The following DNAAF6 variants were observed in gnomAD, a reference collection of about 807,000 sequenced individuals.
The protein encoded by DNAAF6 is PIH1 domain containing 3.
DNAAF6 carries 3 observed loss-of-function variants against 13.7 expected under a neutral mutation model. That is an observed-to-expected ratio of 0.22 (90% CI 0.10 to 0.56). The LOEUF (loss-of-function observed/expected upper bound fraction) is 0.56. Ranked by LOEUF, DNAAF6 falls within the 20% of genes least tolerant of loss-of-function variation. The probability of loss-of-function intolerance (pLI) is 0.92; values close to 1 mark genes in which losing one functional copy is unlikely to be tolerated. For synonymous variants in DNAAF6, 54 were observed against 49.2 expected, an observed-to-expected ratio of 1.10 and a Z score of -0.41; for missense variants, 130 against 151.0, an observed-to-expected ratio of 0.86 and a Z score of 0.73.
intron 5 of DNAAF6, among the ~76,000 whole-genome samples, chrX:107,228,708 TG>T (rs1416653120): frequency 9.0e-6 from 1 of 111,301 alleles, no homozygotes; most frequent in Non-Finnish European, 1.9e-5. Context: ...CTCAACCTCC[TG>T]GGCTCAAGCG....
chrX:107,207,715 T>A (rs1254782596), intron 1 of DNAAF6, among the ~76,000 whole-genome samples: 1 of 111,722 alleles, frequency 9.0e-6, no homozygotes, highest in Admixed American at 9.4e-5. Context: ...GCAGATCACT[T>A]GAGGTCAGGA....
chrX:107,223,412 C>G (rs936022530), intron 5 of DNAAF6, among the ~76,000 whole-genome samples: 10 of 111,604 alleles, frequency 9.0e-5, no homozygotes, highest in African/African-American at 3.2e-4. Flanking sequence ...GGAGAGCATC[C>G]TTTACCAGGT....
intron 2 of DNAAF6, among the ~76,000 whole-genome samples, chrX:107,214,201 G>A (rs1442403917): frequency 8.9e-6 from 1 of 112,048 alleles, no homozygotes; most frequent in African/African-American, 3.2e-5. Flanking sequence ...GACAGCATTA[G>A]CTATACACAA....
Position 107,211,853 on chromosome X carries a change from C to T in DNAAF6, c.-3-1020C>T, listed in dbSNP as rs1927864526. ...CAAACCAAATGATACCATAATGATA[C>T]CATAATGATACCTATTTTCTTGGTG... On this transcript the variant is annotated intron_variant, in intron 1 of 6. Transcript: ENST00000372453. 2.7e-5 allele frequency among the ~76,000 whole-genome samples: 3 copies of T among 111,103 alleles called. No individual in the cohort carries two copies. The Admixed American group carries it at 2.9e-4, about 11-fold the overall frequency.
At chrX:107,222,976 T>C (rs1928180842) in intron 5 of DNAAF6, 135 bp downstream of exon 5, 2 of 805,265 alleles carry the variant, frequency 2.5e-6, no homozygotes, top group Non-Finnish European at 3.3e-6. Context: ...CGTACTAGGG[T>C]AACAATGGGA....
intron 5 of DNAAF6, among the ~76,000 whole-genome samples, chrX:107,234,460 A>C (rs979558293): frequency 8.9e-6 from 1 of 112,234 alleles, no homozygotes; most frequent in African/African-American, 3.2e-5. Flanking sequence ...ATGGGAAATT[A>C]AACAGTTGAA....
intron 5 of DNAAF6, among the ~76,000 whole-genome samples, chrX:107,232,889 C>T (rs1046955011): frequency 9.1e-5 from 10 of 110,106 alleles, no homozygotes; most frequent in Admixed American, 2.9e-4. Context: ...AGTACAGGCG[C>T]GCACCACCAT....
At chrX:107,235,731 C>T (rs1419550090) in intron 5 of DNAAF6, among the ~76,000 whole-genome samples, 2 of 110,867 alleles carry the variant, frequency 1.8e-5, no homozygotes, top group Non-Finnish European at 3.8e-5. Context: ...ATTCCTCATA[C>T]ACGAAAACAT....
intron 6 of DNAAF6, among the ~76,000 whole-genome samples, chrX:107,239,606 A>G (rs1472898860): frequency 9.0e-6 from 1 of 111,119 alleles, no homozygotes; most frequent in African/African-American, 3.3e-5. Context: ...TCCTTCCATT[A>G]TCAGTACCTA....
At chrX:107,219,214 A>C (rs1845655400) in intron 4 of DNAAF6, among the ~76,000 whole-genome samples, 1 of 112,206 alleles carries the variant, frequency 8.9e-6, no homozygotes, top group South Asian at 3.6e-4. Context: ...TTTCCATTAT[A>C]AATTTATATT....
chrX:107,209,810 A>C (rs942636684), intron 1 of DNAAF6, among the ~76,000 whole-genome samples: 1 of 112,165 alleles, frequency 8.9e-6, no homozygotes, highest in Non-Finnish European at 1.9e-5. Context: ...ATCTATTTGA[A>C]TAGTCTGTAA....
At chrX:107,207,698 G>C (rs951617018) in intron 1 of DNAAF6, among the ~76,000 whole-genome samples, 21 of 111,981 alleles carry the variant, frequency 1.9e-4, no homozygotes, top group African/African-American at 6.8e-4. Flanking sequence ...TTGGGAGGCC[G>C]AGGCGGGCAG....
intron 5 of DNAAF6, among the ~76,000 whole-genome samples, chrX:107,232,070 C>T (rs1202080210): frequency 9.0e-6 from 1 of 111,449 alleles, no homozygotes; most frequent in African/African-American, 3.3e-5. Context: ...ATTGGTCAGG[C>T]TGGTCTCAAA....
chrX:107,208,139 C>T (rs887178206), intron 1 of DNAAF6, among the ~76,000 whole-genome samples: 1 of 111,263 alleles, frequency 9.0e-6, no homozygotes, highest in East Asian at 2.9e-4. Flanking sequence ...ATTTTTCTGT[C>T]AACTCAGCAC....
intron 2 of DNAAF6, 138 bp downstream of exon 2, chrX:107,213,166 A>G (rs1439525359): frequency 7.5e-6 from 4 of 533,148 alleles, no homozygotes; most frequent in African/African-American, 2.4e-5. Flanking sequence ...AAGGCTGATT[A>G]TGCATGACAA....
chrX:107,222,697 G>A, intron 4 of DNAAF6, 48 bp from the exon 5 acceptor site: 3 of 1,161,411 alleles, frequency 2.6e-6, no homozygotes, highest in East Asian at 3.1e-5. Flanking sequence ...TCTGTGACAG[G>A]AAATTGCTCT....
intron 5 of DNAAF6, among the ~76,000 whole-genome samples, chrX:107,228,299 A>C (rs977567940): frequency 8.9e-6 from 1 of 111,991 alleles, no homozygotes; most frequent in Non-Finnish European, 1.9e-5. Context: ...AGATTGAAGA[A>C]AGCTGAGAAG....
chrX:107,243,775 T>C lies in DNAAF6; in HGVS notation c.*477T>C, dbSNP rs867059365. ...TTACAGGTTAAAAAATTAGAATATT[T>C]CATGGTCAATTACATAATTGAAATA... On this transcript the variant is annotated 3_prime_UTR_variant, in exon 7 of 7. Coordinates refer to ENST00000372453, the MANE Select transcript of DNAAF6 (RefSeq NM_173494.2). 1 of 113,626 alleles carries C rather than the reference T, an allele frequency of 8.8e-6. No homozygotes were observed. Among genetic ancestry groups the C allele is most frequent in the Non-Finnish European group, 1.9e-5 (1 of 53,732 alleles). 9.4% of individuals were successfully genotyped at this position (113,626 alleles called of 1,213,427 possible).
chrX:107,219,716 T>G (rs1364177254), intron 4 of DNAAF6, among the ~76,000 whole-genome samples: 1 of 111,367 alleles, frequency 9.0e-6, no homozygotes, highest in Non-Finnish European at 1.9e-5. Flanking sequence ...CTTACTAAAT[T>G]ATAATGTACT....
Sources: gnomAD v4.1 joint callset for allele counts (sites outside exome capture counted in the v4.1 genomes callset) on GRCh38, gnomAD v4.1.1 for gene constraint, MANE v1.5 for transcripts, NCBI Gene and HGNC (gene_info 2026-07-23, HGNC 2026-07-21) for gene names.